The following PGAP4 variants were observed in gnomAD, a reference collection of about 807,000 sequenced individuals.
PGAP4 encodes the protein GPI-N-acetylgalactosamine transferase PGAP4.
PGAP4 carries 12 observed loss-of-function variants against 28.2 expected under a neutral mutation model. That is an observed-to-expected ratio of 0.42 (90% CI 0.27 to 0.69). The LOEUF is 0.69. Ranked by LOEUF, PGAP4 falls within the 30% of genes least tolerant of loss-of-function variation. PGAP4 has a pLI of 0.22. For missense variants in PGAP4, 425 were observed against 513.5 expected, an observed-to-expected ratio of 0.83 and a Z score of 1.67; for synonymous variants, 205 against 211.8, an observed-to-expected ratio of 0.97 and a Z score of 0.28.
At chr9:101,529,790 C>A (rs1827071216) in intron 2 of PGAP4, among the ~76,000 whole-genome samples, 1 of 152,180 alleles carries the variant, frequency 6.6e-6, no homozygotes, top group South Asian at 2.1e-4. Flanking sequence ...TTGTAGGACA[C>A]TCCCAGGTGG....
chr9:101,515,950 CA>C lies in PGAP4; in HGVS notation c.-165+15397del, dbSNP rs1217409796. On this transcript the variant is annotated intron_variant, in intron 2 of 3. Coordinates refer to the PGAP4 transcript ENST00000374851. ...AAAGTAAATTTCAAGTGTCTCACCA[CA>C]AAAAAAATGGGTGAGGTGATGAATA... Among the ~76,000 whole-genome samples, 5 of 151,142 alleles carry C rather than the reference CA, an allele frequency of 3.3e-5. No homozygotes were observed. In the South Asian group the frequency reaches 1.0e-3, roughly 32 times the overall value.
At chr9:101,480,192 T>C (rs567016840) in intron 1 of PGAP4, among the ~76,000 whole-genome samples, 1 of 152,254 alleles carries the variant, frequency 6.6e-6, no homozygotes, top group South Asian at 2.1e-4. Context: ...CATTACACAC[T>C]ACACGAATAA....
intron 2 of PGAP4, among the ~76,000 whole-genome samples, chr9:101,509,777 T>C (rs2118607207): frequency 6.6e-6 from 1 of 152,282 alleles, no homozygotes; most frequent in African/African-American, 2.4e-5. Context: ...TAGCAAGCAT[T>C]TCTCTATGGA....
upstream of PGAP4, among the ~76,000 whole-genome samples, chr9:101,491,869 C>T (rs1384754089): frequency 7.6e-6 from 1 of 131,136 alleles, no homozygotes; most frequent in African/African-American, 2.9e-5. Context: ...TCTGTTGGGA[C>T]AATTTTTTAG....
In PGAP4 at chr9:101,523,619, C is replaced by CATTTTTTTTTTTTTT. The variant is rs1245170432; in HGVS notation, c.-165+7728_-165+7729insAAAAAAAAAAAAAAT. Among the ~76,000 whole-genome samples the CATTTTTTTTTTTTTT allele has an allele frequency of 1.7e-3, 98 of 59,340 alleles. 10 individuals carry two copies. The highest frequency in any genetic ancestry group is 2.0e-3 in the African/African-American group (28 of 14,128). The allele number at this position is 59,340 out of a possible 152,430, so 38.9% of individuals were successfully genotyped here. A position where few individuals can be genotyped will look rare whatever the true frequency, so the allele number is the denominator to read the frequency against. On this transcript the variant is annotated intron_variant, in intron 2 of 3. Coordinates refer to the PGAP4 transcript ENST00000374851. ...ACATTTCTCCCCTCACTTCTTGTATCTTTTTTTTTTTTTTTTTTTTTTTTT... is the reference window on the plus strand; with the variant it reads ...ACATTTCTCCCCTCACTTCTTGTATCATTTTTTTTTTTTTTTTTTTTTTTTTTTTTTTTTTTTTTT...
intron 1 of PGAP4, among the ~76,000 whole-genome samples, chr9:101,482,760 A>G (rs1318821855): frequency 6.6e-6 from 1 of 152,150 alleles, no homozygotes; most frequent in African/African-American, 2.4e-5. Context: ...CCAACCAGAA[A>G]GAATCTCTTT....
chr9:101,531,388 T>C (rs867657137), exon 2 of PGAP4: 16 of 152,314 alleles, frequency 1.1e-4, no homozygotes, highest in African/African-American at 3.6e-4. Context: ...CTGCTCTCTT[T>C]GTAGAATCTT....
At chr9:101,482,188 C>A (rs1007260836) in intron 1 of PGAP4, among the ~76,000 whole-genome samples, 2 of 152,216 alleles carry the variant, frequency 1.3e-5, no homozygotes, top group African/African-American at 2.4e-5. Flanking sequence ...TGGCTCACAC[C>A]GGTAATCCCA....
chr9:101,490,020 T>C (rs927550757), upstream of PGAP4, among the ~76,000 whole-genome samples: 2 of 152,134 alleles, frequency 1.3e-5, no homozygotes, highest in African/African-American at 4.8e-5. Context: ...TTAGAATCCC[T>C]ACTTCTATGG....
chr9:101,520,906 TG>T (rs34364413), intron 2 of PGAP4, among the ~76,000 whole-genome samples: 23,330 of 152,190 alleles, frequency 0.15, 2,372 homozygotes, highest in East Asian at 0.36. Flanking sequence ...GTGCTGATTT[TG>T]CTTAGGGTTT....
At chr9:101,493,906 C>T (rs143775166) in intron 2 of PGAP4, among the ~76,000 whole-genome samples, 117 of 151,570 alleles carry the variant, frequency 7.7e-4, no homozygotes, top group African/African-American at 2.7e-3. Context: ...GGATCTAGTT[C>T]GGTCTATAGG....
intron 2 of PGAP4, among the ~76,000 whole-genome samples, chr9:101,527,226 CT>C (rs1420053968): frequency 6.6e-6 from 1 of 152,190 alleles, no homozygotes; most frequent in East Asian, 1.9e-4. Context: ...TCATAACTCT[CT>C]AGGTAACTGC....
chr9:101,515,538 A>G (rs1313818624), intron 2 of PGAP4, among the ~76,000 whole-genome samples: 1 of 152,228 alleles, frequency 6.6e-6, no homozygotes, highest in Non-Finnish European at 1.5e-5. Context: ...GGCACTCCTC[A>G]GTTTACATGG....
intron 1 of PGAP4, among the ~76,000 whole-genome samples, chr9:101,480,957 G>A (rs1268838719): frequency 6.6e-6 from 1 of 152,130 alleles, no homozygotes; most frequent in Non-Finnish European, 1.5e-5. Flanking sequence ...CAGGTGGATG[G>A]CTTGAGCCCA....
At chr9:101,523,202 TG>T (rs1320433857) in intron 2 of PGAP4, among the ~76,000 whole-genome samples, 1 of 152,056 alleles carries the variant, frequency 6.6e-6, no homozygotes, top group Non-Finnish European at 1.5e-5. Context: ...TGACTTGCGA[TG>T]AATTTCCTGA....
At chr9:101,499,041 A>T (rs1826775473) in intron 2 of PGAP4, among the ~76,000 whole-genome samples, 1 of 152,036 alleles carries the variant, frequency 6.6e-6, no homozygotes, top group Admixed American at 6.6e-5. Context: ...GACATGCCTC[A>T]CAGACCGAAT....
In PGAP4 at chr9:101,474,656, G is replaced by A. The variant is rs1451437972; in HGVS notation, c.*1225C>T. 1 of 152,126 alleles carries A rather than the reference G, an allele frequency of 6.6e-6. No homozygotes were observed. Among genetic ancestry groups the A allele is most frequent in the African/African-American group, 2.4e-5 (1 of 41,430 alleles). The allele number at this position is 152,126 out of a possible 1,614,324, so 9.4% of individuals were successfully genotyped here. On this transcript the variant is annotated 3_prime_UTR_variant, in exon 2 of 2. Coordinates refer to ENST00000374848, the MANE Select transcript of PGAP4 (RefSeq NM_032342.3). ...CAGGGCTTGGTCATCTGGAATAGCT[G>A]GTACATAGGTGGCAGCTCCATGCCC...
chr9:101,508,663 C>T (rs1356728398), intron 2 of PGAP4, among the ~76,000 whole-genome samples: 4 of 152,042 alleles, frequency 2.6e-5, no homozygotes, highest in East Asian at 3.9e-4. Context: ...CAGACAGGGT[C>T]GGGGGATGGT....
intron 2 of PGAP4, among the ~76,000 whole-genome samples, chr9:101,494,739 CTG>C (rs1826722399): frequency 6.6e-6 from 1 of 151,780 alleles, no homozygotes; most frequent in Non-Finnish European, 1.5e-5. Context: ...AAAGCAATAA[CTG>C]TGGATAACAA....
Sources: allele counts gnomAD v4.1 joint callset (sites outside exome capture counted in the v4.1 genomes callset), GRCh38; gene constraint gnomAD v4.1.1; transcripts MANE v1.5; gene names NCBI Gene and HGNC (gene_info 2026-07-23, HGNC 2026-07-21).